The following PPP1R1C variants were observed in gnomAD, a reference collection of about 807,000 sequenced individuals.
The protein encoded by PPP1R1C is protein phosphatase 1 regulatory subunit 1C.
Under a neutral mutation model 17.4 loss-of-function variants are expected in PPP1R1C, and 15 were observed. The ratio of observed to expected loss-of-function variants is 0.86; its 90% CI spans 0.58 to 1.33. The LOEUF is 1.33. PPP1R1C is among the 40% of genes most tolerant of loss of function. PPP1R1C has a pLI of 0.00. For missense variants in PPP1R1C, 143 were observed against 130.0 expected, an observed-to-expected ratio of 1.10 and a Z score of -0.48; for synonymous variants, 35 against 43.1, an observed-to-expected ratio of 0.81 and a Z score of 0.73.
intron 2 of PPP1R1C, among the ~76,000 whole-genome samples, chr2:182,023,299 A>G (rs1445517887): frequency 6.6e-6 from 1 of 152,202 alleles, no homozygotes; most frequent in Non-Finnish European, 1.5e-5. Context: ...TGGTACCACT[A>G]CTGAATTGAT....
intron 2 of PPP1R1C, among the ~76,000 whole-genome samples, chr2:181,979,745 C>T (rs748790322): frequency 4.6e-5 from 7 of 152,300 alleles, no homozygotes; most frequent in Non-Finnish European, 7.3e-5. Context: ...GTGTTAGAGG[C>T]GATGGAGCCT....
intron 2 of PPP1R1C, among the ~76,000 whole-genome samples, chr2:182,001,262 A>G (rs1025138270): frequency 6.6e-6 from 1 of 152,196 alleles, no homozygotes; most frequent in Non-Finnish European, 1.5e-5. Context: ...ATCACAGGTA[A>G]TTAGTGACTG....
At chr2:182,130,744 C>G (rs1689988886), downstream of PPP1R1C, 1 of 152,152 alleles carries the variant, frequency 6.6e-6, no homozygotes, top group Non-Finnish European at 1.5e-5. Context: ...CCTAATGAAA[C>G]ATAGATTTTT....
downstream of PPP1R1C, chr2:182,117,804 A>G (rs1234677718): frequency 6.6e-6 from 1 of 152,148 alleles, no homozygotes; most frequent in Non-Finnish European, 1.5e-5. Flanking sequence ...CACAATGTTC[A>G]TTTTTAAATG....
chr2:182,118,575 AG>A (rs1303265408), downstream of PPP1R1C, among the ~76,000 whole-genome samples: 1 of 152,216 alleles, frequency 6.6e-6, no homozygotes, highest in Non-Finnish European at 1.5e-5. Flanking sequence ...CTTAATATCA[AG>A]ATTCAAATAT....
At chr2:182,010,460 G>C (rs1242783445) in intron 2 of PPP1R1C, among the ~76,000 whole-genome samples, 1 of 151,936 alleles carries the variant, frequency 6.6e-6, no homozygotes, top group Non-Finnish European at 1.5e-5. Context: ...ACTGATGTTT[G>C]TATGTTAATA....
In PPP1R1C at chr2:182,086,829, T is replaced by C. The variant is rs1350778063; in HGVS notation, c.241+23038T>C. 2.6e-5 allele frequency among the ~76,000 whole-genome samples: 4 copies of C among 152,100 alleles called. No individual in the cohort carries two copies. The East Asian group carries it at 5.8e-4, about 22-fold the overall frequency. On this transcript the variant is annotated intron_variant, in intron 4 of 4. Transcript: ENST00000682840. ...GTAACTGTCTGTGTAAGACCTGCTATATGATTGGTCTGACAGAGATCTTAA... is the reference window on the plus strand; with the variant it reads ...GTAACTGTCTGTGTAAGACCTGCTACATGATTGGTCTGACAGAGATCTTAA...
intron 5 of PPP1R1C, among the ~76,000 whole-genome samples, chr2:182,124,156 G>C (rs142388101): frequency 0.32 from 49,132 of 151,928 alleles, 9,640 homozygotes; most frequent in Non-Finnish European, 0.43. Context: ...TCAAAGATCA[G>C]ATAGTTGTAG....
At chr2:181,969,915 A>G (rs1305422895) in intron 1 of PPP1R1C, among the ~76,000 whole-genome samples, 2 of 152,282 alleles carry the variant, frequency 1.3e-5, no homozygotes, top group Non-Finnish European at 2.9e-5. Flanking sequence ...CATTATGTCA[A>G]TTGTATTTTT....
At chr2:182,035,253 T>G (rs1268245018) in intron 2 of PPP1R1C, among the ~76,000 whole-genome samples, 7 of 152,234 alleles carry the variant, frequency 4.6e-5, no homozygotes, top group Non-Finnish European at 1.0e-4. Flanking sequence ...CAAAAATGGT[T>G]GTTATTATAC....
At chr2:181,978,760 C>A (rs192889821) in intron 2 of PPP1R1C, among the ~76,000 whole-genome samples, 2 of 151,628 alleles carry the variant, frequency 1.3e-5, no homozygotes, top group Admixed American at 6.6e-5. Flanking sequence ...TTAGGCCAGC[C>A]GAGATTTGAA....
chr2:182,051,628 G>C (rs1019311507), intron 2 of PPP1R1C, among the ~76,000 whole-genome samples: 2 of 151,396 alleles, frequency 1.3e-5, no homozygotes, highest in Admixed American at 1.4e-4. Context: ...TCACAGCTGT[G>C]CTAGGTGAGT....
intron 2 of PPP1R1C, among the ~76,000 whole-genome samples, chr2:182,037,131 G>A (rs1485352466): frequency 2.0e-5 from 3 of 152,134 alleles, no homozygotes; most frequent in Non-Finnish European, 4.4e-5. Context: ...GGCATTCCCA[G>A]TTGCTTTGTT....
At chr2:182,025,191 TTATTA>T (rs986772848) in intron 2 of PPP1R1C, among the ~76,000 whole-genome samples, 3 of 148,216 alleles carry the variant, frequency 2.0e-5, no homozygotes, top group African/African-American at 7.4e-5. Flanking sequence ...ATTATTATTA[TTATTA>T]TTATTTATTT....
At chr2:182,002,881 G>T (rs185962567) in intron 2 of PPP1R1C, among the ~76,000 whole-genome samples, 1 of 147,398 alleles carries the variant, frequency 6.8e-6, no homozygotes. Context: ...TCTCACCTTC[G>T]TCTTCCATAA....
intron 2 of PPP1R1C, among the ~76,000 whole-genome samples, chr2:182,026,793 C>T (rs1486063955): frequency 6.6e-6 from 1 of 150,676 alleles, no homozygotes; most frequent in Admixed American, 6.6e-5. Flanking sequence ...CTGTAAATTA[C>T]CTTGGGCAGT....
At chr2:182,013,866 AATTTCTGCTT>A (rs1686164370) in intron 2 of PPP1R1C, among the ~76,000 whole-genome samples, 1 of 152,144 alleles carries the variant, frequency 6.6e-6, no homozygotes, top group Non-Finnish European at 1.5e-5. Context: ...TCAGCTCTAG[AATTTCTGCTT>A]AATTTTTAAA....
At chr2:182,098,277 A>AC (rs1477273123) in intron 4 of PPP1R1C, among the ~76,000 whole-genome samples, 2 of 152,208 alleles carry the variant, frequency 1.3e-5, no homozygotes, top group African/African-American at 2.4e-5. Flanking sequence ...AGTTCTCTGC[A>AC]CCACATGTAT....
At chr2:182,103,004 A>C (rs1689143618) in intron 4 of PPP1R1C, among the ~76,000 whole-genome samples, 1 of 152,056 alleles carries the variant, frequency 6.6e-6, no homozygotes, top group Non-Finnish European at 1.5e-5. Flanking sequence ...GGGTTTCGCC[A>C]TGTTGCCCAG....
Sources: gnomAD v4.1 joint callset for allele counts (sites outside exome capture counted in the v4.1 genomes callset) on GRCh38, gnomAD v4.1.1 for gene constraint, MANE v1.5 for transcripts, NCBI Gene and HGNC (gene_info 2026-07-23, HGNC 2026-07-21) for gene names.